The following OR52A1 variants were observed in gnomAD, a reference collection of about 807,000 sequenced individuals.
The protein encoded by OR52A1 is olfactory receptor 52A1.
A neutral mutation model predicts 14.3 loss-of-function variants in OR52A1; 14 were observed. That is an observed-to-expected ratio of 0.98 (90% confidence interval 0.65 to 1.54). The LOEUF (loss-of-function observed/expected upper bound fraction) is 1.54, where lower values mean the gene tolerates loss of function less well. Among genes scored for constraint, OR52A1 ranks in the 40% most tolerant of loss-of-function variants. The pLI is 0.00. For missense variants in OR52A1, 405 were observed against 381.3 expected (o/e 1.06, Z -0.52); for synonymous variants, 151 against 135.3 (o/e 1.12, Z -0.80).
At position 5,149,471 on chromosome 11, in the gene OR52A1, A is replaced by G. The variant is rs541536333; in HGVS notation, c.*1960T>C. ...ATCAATTTGGTGATGGGGAAACTCT[A>G]ACTTTCAGCTACACTTTGTTACTCT... On this transcript the variant is annotated 3_prime_UTR_variant, in exon 2 of 2. Coordinates refer to ENST00000380367, the MANE Select transcript of OR52A1 (RefSeq NM_012375.3). The G allele has an allele frequency of 1.2e-4, 18 of 152,260 alleles. No individual in the cohort carries two copies. Among genetic ancestry groups the G allele is most frequent in the Non-Finnish European group, 2.4e-4 (16 of 68,012 alleles). 9.4% of individuals were successfully genotyped at this position (152,260 alleles called of 1,614,324 possible).
chr11:5,153,490 A>C (rs942362495), intron 1 of OR52A1, among the ~76,000 whole-genome samples: 1 of 152,214 alleles, frequency 6.6e-6, no homozygotes, highest in African/African-American at 2.4e-5. Context: ...TGAGGAAAGC[A>C]CTATGAATAA....
Position 5,148,717 on chromosome 11 carries a change from C to T in OR52A1, c.*2714G>A, listed in dbSNP as rs1457135864. 1 of 152,068 alleles carries T rather than the reference C, an allele frequency of 6.6e-6. No homozygotes were observed. Among genetic ancestry groups the T allele is most frequent in the Non-Finnish European group, 1.5e-5 (1 of 68,014 alleles). The allele number at this position is 152,068 out of a possible 1,614,324, so 9.4% of individuals were successfully genotyped here. ...GCCCTTGGAAATAATTCAATATTTACTCATCAAATTTTAAACTCAAGAAGA... is the reference window on the plus strand; with the variant it reads ...GCCCTTGGAAATAATTCAATATTTATTCATCAAATTTTAAACTCAAGAAGA... On this transcript the variant is annotated 3_prime_UTR_variant, in exon 2 of 2. Coordinates refer to ENST00000380367, the MANE Select transcript of OR52A1 (RefSeq NM_012375.3).
In OR52A1 at chr11:5,152,395, AC is replaced by A. The variant is rs747231193; in HGVS notation, c.-27del. ...AGTGTCGTTGGGTCTCCTGATGCAA[AC>A]AAAAGAAGTTTCTCAGTCAGTGTTA... On this transcript the variant is annotated 5_prime_UTR_variant, in exon 2 of 2. Transcript: ENST00000380367. The A allele has an allele frequency of 7.3e-6, 11 of 1,515,238 alleles. No individual in the cohort carries two copies. Among genetic ancestry groups the A allele is most frequent in the South Asian group, 1.2e-5 (1 of 80,198 alleles). The allele number at this position is 1,515,238 out of a possible 1,614,324, so 93.9% of individuals were successfully genotyped here. A position where few individuals can be genotyped will look rare whatever the true frequency, so the allele number is the denominator to read the frequency against.
rs1846530958 is a variant in OR52A1, at chr11:5,150,747, T to TA, written c.*683dup. On this transcript the variant is annotated 3_prime_UTR_variant, in exon 2 of 2. Coordinates refer to ENST00000380367, the MANE Select transcript of OR52A1 (RefSeq NM_012375.3). Reference sequence around the variant, plus strand: ...TGAGAATTATTCACTGTGCCAGATTTACTATTATGTCACGATTCTGTAGTA... The same window carrying TA: ...TGAGAATTATTCACTGTGCCAGATTTAACTATTATGTCACGATTCTGTAGTA... The TA allele has an allele frequency of 6.6e-6, 1 of 152,160 alleles. No individual in the cohort carries two copies. Among genetic ancestry groups the TA allele is most frequent in the Non-Finnish European group, 1.5e-5 (1 of 68,038 alleles). The allele number at this position is 152,160 out of a possible 1,614,324, so 9.4% of individuals were successfully genotyped here. A position where few individuals can be genotyped will look rare whatever the true frequency, so the allele number is the denominator to read the frequency against.
rs185527584 is a variant in OR52A1 at position 5,152,183 on chromosome 11, T to C, written c.187A>G (p.Ile63Val). Residue 63 changes from isoleucine to valine, a missense_variant, in exon 2 of 2, where the codon ATT (isoleucine) becomes GTT (valine). Ile to Val is a conservative substitution (Grantham distance 29). Coordinates refer to ENST00000380367, the MANE Select transcript of OR52A1 (RefSeq NM_012375.3). Reference protein sequence around the residue: ...SERSLHEPLYIFLGMLGATDI... With the variant: ...SERSLHEPLYVFLGMLGATDI... Reference sequence around the variant, plus strand: ...GTGGCTCCTAGCATGCCTAAGAAAATGTACAAGGGCTCATGGAGACTGCGC... The same window carrying C: ...GTGGCTCCTAGCATGCCTAAGAAAACGTACAAGGGCTCATGGAGACTGCGC... 6 of 1,614,048 alleles carry C rather than the reference T, an allele frequency of 3.7e-6. No homozygotes were observed. The highest frequency in any genetic ancestry group is 3.3e-5 in the Admixed American group (2 of 60,006).
chr11:5,153,416 T>C (rs573805909), intron 1 of OR52A1, among the ~76,000 whole-genome samples: 2 of 152,280 alleles, frequency 1.3e-5, no homozygotes, highest in East Asian at 3.9e-4. Flanking sequence ...AGGACAGATT[T>C]CTTAGAAGAA....
chr11:5,153,261 G>A (rs1846570009), intron 1 of OR52A1, among the ~76,000 whole-genome samples: 1 of 152,178 alleles, frequency 6.6e-6, no homozygotes, highest in African/African-American at 2.4e-5. Context: ...ATAGAGTCCA[G>A]TTTCCTGGTT....
In OR52A1 at chr11:5,147,093, T is replaced by C. The variant is rs769638348; in HGVS notation, c.*4338A>G. On this transcript the variant is annotated 3_prime_UTR_variant, in exon 2 of 2. Transcript: ENST00000380367. ...ATTTCTAGATTAAATTTAAGGAGAATTGATATCTTTACAACACTGAGATCA... is the reference window on the plus strand; with the variant it reads ...ATTTCTAGATTAAATTTAAGGAGAACTGATATCTTTACAACACTGAGATCA... 3.3e-5 allele frequency: 5 copies of C among 152,242 alleles called. No homozygotes were observed. Among genetic ancestry groups the C allele is most frequent in the Non-Finnish European group, 5.9e-5 (4 of 68,046 alleles). The allele number at this position is 152,242 out of a possible 1,614,324, so 9.4% of individuals were successfully genotyped here.
At position 5,152,408 on chromosome 11, in the gene OR52A1, C is replaced by G. The variant is rs542454804; in HGVS notation, c.-39G>C. 7 of 1,436,036 alleles carry G rather than the reference C, an allele frequency of 4.9e-6. No homozygotes were observed. Among genetic ancestry groups the G allele is most frequent in the Middle Eastern group, 1.8e-4 (1 of 5,570 alleles). 89.0% of individuals were successfully genotyped at this position (1,436,036 alleles called of 1,614,324 possible). A position where few individuals can be genotyped will look rare whatever the true frequency, so the allele number is the denominator to read the frequency against. On this transcript the variant is annotated 5_prime_UTR_variant, in exon 2 of 2. Coordinates refer to ENST00000380367, the MANE Select transcript of OR52A1 (RefSeq NM_012375.3). ...CTCCTGATGCAAACAAAAGAAGTTT[C>G]TCAGTCAGTGTTACTGTTCCTCTTC...
At position 5,149,244 on chromosome 11, in the gene OR52A1, A is replaced by G. The variant is rs1219263845; in HGVS notation, c.*2187T>C. On this transcript the variant is annotated 3_prime_UTR_variant, in exon 2 of 2. Transcript: ENST00000380367. The stretch of plus-strand genomic sequence containing the variant: ...AATTAAACAATATGAACTCTGGACT[A>G]CATATTTTATGAGATATTAAAATTC... The G allele has an allele frequency of 6.6e-6, 1 of 152,208 alleles. No homozygotes were observed. The highest frequency in any genetic ancestry group is 2.4e-5 in the African/African-American group (1 of 41,464). 9.4% of individuals were successfully genotyped at this position (152,208 alleles called of 1,614,324 possible). A position where few individuals can be genotyped will look rare whatever the true frequency, so the allele number is the denominator to read the frequency against.
Position 5,152,070 on chromosome 11 carries a change from C to A in OR52A1, c.300G>T (p.Leu100Phe). Residue 100 changes from leucine to phenylalanine, a missense_variant, in exon 2 of 2, where the codon TTG becomes TTT. Transcript: ENST00000380367. Reference sequence around the variant, plus strand: ...ATGTGTGGATGAACCACATTTGAAGCAAGCAGGAATCAAAATAGATTTCAG... The same window carrying A: ...ATGTGTGGATGAACCACATTTGAAGAAAGCAGGAATCAAAATAGATTTCAG... ...NVPEIYFDSC[L>F]LQMWFIHTLQ... is the part of the protein sequence containing the mutation. The A allele has an allele frequency of 1.2e-6, 2 of 1,614,010 alleles. No homozygotes were observed. The highest frequency in any genetic ancestry group is 1.1e-5 in the South Asian group (1 of 91,054).
rs1304392135 is a variant in OR52A1 at position 5,149,986 on chromosome 11, G to A, written c.*1445C>T. The A allele has an allele frequency of 6.6e-6, 1 of 152,084 alleles. No individual in the cohort carries two copies. Among genetic ancestry groups the A allele is most frequent in the African/African-American group, 2.4e-5 (1 of 41,416 alleles). The allele number at this position is 152,084 out of a possible 1,614,324, so 9.4% of individuals were successfully genotyped here. A position where few individuals can be genotyped will look rare whatever the true frequency, so the allele number is the denominator to read the frequency against. ...AAGCAATCCAATATTTCTTATATTT[G>A]CAGTGGTTTTAATCTGGTAAATCAA... On this transcript the variant is annotated 3_prime_UTR_variant, in exon 2 of 2. Coordinates refer to ENST00000380367, the MANE Select transcript of OR52A1 (RefSeq NM_012375.3).
At chr11:5,153,953 A>C (rs1846579400) in intron 1 of OR52A1, among the ~76,000 whole-genome samples, 1 of 152,108 alleles carries the variant, frequency 6.6e-6, no homozygotes. Flanking sequence ...CAAATGAAAG[A>C]ACCAAATCAG....
chr11:5,153,741 G>GAATCAGC (rs1228259571), intron 1 of OR52A1, among the ~76,000 whole-genome samples: 1 of 150,332 alleles, frequency 6.7e-6, no homozygotes, highest in Non-Finnish European at 1.5e-5. Context: ...GTAAGCTCAT[G>GAATCAGC]AATCAGCTAA....
chr11:5,154,212 A>T (rs1041337198), intron 1 of OR52A1, among the ~76,000 whole-genome samples: 2 of 152,168 alleles, frequency 1.3e-5, no homozygotes, highest in African/African-American at 4.8e-5. Context: ...CAAAGAGCTG[A>T]CATGTGAGTA....
chr11:5,151,420 T>A lies in OR52A1; in HGVS notation c.*11A>T. The A allele has an allele frequency of 6.3e-7, 1 of 1,587,270 alleles. No homozygotes were observed. Among genetic ancestry groups the A allele is most frequent in the Non-Finnish European group, 8.6e-7 (1 of 1,166,066 alleles). On this transcript the variant is annotated 3_prime_UTR_variant, in exon 2 of 2. Transcript: ENST00000380367. ...AAGAAAAAAGCATGTAGGCATTAAT[T>A]AAGGTGGATTTTATGAACAGAACAT...
rs555333568 is a variant in OR52A1, at chr11:5,154,098, C to T, written c.-322+349G>A. 2.0e-5 allele frequency among the ~76,000 whole-genome samples: 3 copies of T among 152,236 alleles called. No homozygotes were observed. The East Asian group carries it at 5.8e-4, about 29-fold the overall frequency. On this transcript the variant is annotated intron_variant, in intron 1 of 1. Coordinates refer to ENST00000380367, the MANE Select transcript of OR52A1 (RefSeq NM_012375.3). The stretch of plus-strand genomic sequence containing the variant: ...TTTTATGACACTCCCATCCATAAGT[C>T]ACTGGCTTTTTCTAATAGGGGCAAA...
intron 1 of OR52A1, among the ~76,000 whole-genome samples, chr11:5,154,214 A>G (rs1337682435): frequency 6.6e-6 from 1 of 152,162 alleles, no homozygotes; most frequent in Non-Finnish European, 1.5e-5. Flanking sequence ...AAGAGCTGAC[A>G]TGTGAGTACT....
rs1846490670 is a variant in OR52A1, at chr11:5,147,237, C to T, written c.*4194G>A. The T allele has an allele frequency of 6.6e-6, 1 of 152,168 alleles. No homozygotes were observed. 9.4% of individuals were successfully genotyped at this position (152,168 alleles called of 1,614,324 possible). On this transcript the variant is annotated 3_prime_UTR_variant, in exon 2 of 2. Transcript: ENST00000380367. ...CTGGTGTGGGGAGGTGCTGTACTTA[C>T]CTGCTCTCTGCCTTGGTTTTTTCAC...
Sources: gnomAD v4.1 joint callset for allele counts (sites outside exome capture counted in the v4.1 genomes callset) on GRCh38, gnomAD v4.1.1 for gene constraint, MANE v1.5 for transcripts, NCBI Gene and HGNC (gene_info 2026-07-23, HGNC 2026-07-21) for gene names.